The following TEX36 variants were observed in gnomAD, a reference collection of about 807,000 sequenced individuals.
TEX36 encodes the protein testis-expressed protein 36.
In TEX36, 12 loss-of-function variants were observed where a neutral mutation model predicts 13.6. The observed-to-expected ratio is 0.88, with a 90% confidence interval of 0.56 to 1.43. The LOEUF (loss-of-function observed/expected upper bound fraction) is 1.43, where lower values mean the gene tolerates loss of function less well. Ranked by LOEUF, TEX36 falls within the 40% of genes most tolerant of loss-of-function variation. The pLI is 0.00. For synonymous variants in TEX36, 93 were observed against 83.0 expected, an observed-to-expected ratio of 1.12 and a Z score of -0.65; for missense variants, 224 against 228.3, an observed-to-expected ratio of 0.98 and a Z score of 0.12.
chr10:125,612,697 C>A (rs1188870640), intron 3 of TEX36, among the ~76,000 whole-genome samples: 1 of 151,940 alleles, frequency 6.6e-6, no homozygotes, highest in Admixed American at 6.6e-5. Flanking sequence ...AGGCAAACAT[C>A]ATACCTAAAA....
chr10:125,674,579 G>T (rs540624701), intron 1 of TEX36, among the ~76,000 whole-genome samples: 9 of 152,258 alleles, frequency 5.9e-5, no homozygotes, highest in African/African-American at 2.2e-4. Context: ...CAATCTTTGA[G>T]GCTGCTGACC....
chr10:125,596,333 C>A (rs1315119790), intron 3 of TEX36, among the ~76,000 whole-genome samples: 1 of 151,460 alleles, frequency 6.6e-6, no homozygotes, highest in Non-Finnish European at 1.5e-5. Flanking sequence ...AGATGTAAGG[C>A]TAGAAATAGA....
At chr10:125,631,639 G>A (rs748946953) in intron 3 of TEX36, among the ~76,000 whole-genome samples, 1 of 152,194 alleles carries the variant, frequency 6.6e-6, no homozygotes, top group Non-Finnish European at 1.5e-5. Context: ...CCTGGGTCTT[G>A]AATGACAGGT....
chr10:125,618,763 A>T (rs566730344), downstream of TEX36, among the ~76,000 whole-genome samples: 43 of 152,078 alleles, frequency 2.8e-4, 2 homozygotes, highest in Middle Eastern at 3.4e-3. Context: ...ATGCAAGCCA[A>T]GGGATACTTA....
At chr10:125,655,280 A>T (rs192658740), downstream of TEX36, among the ~76,000 whole-genome samples, 1 of 152,256 alleles carries the variant, frequency 6.6e-6, no homozygotes, top group Non-Finnish European at 1.5e-5. Flanking sequence ...CCTCATCTCT[A>T]CTAAAAATAC....
In TEX36 at chr10:125,680,457, A is replaced by G. The variant is rs182573546; in HGVS notation, c.51+2482T>C. Among the ~76,000 whole-genome samples the G allele has an allele frequency of 9.5e-4, 145 of 152,284 alleles. 1 individual carries two copies. The highest frequency in any genetic ancestry group is 3.2e-3 in the African/African-American group (134 of 41,552). ...ATAAACCCTTCTGTTAGATATTGTA[A>G]CCGTGAAATACAGCTTTTTAACAAG... On this transcript the variant is annotated intron_variant, in intron 1 of 3. Transcript: ENST00000368821.
chr10:125,600,213 A>G (rs529501129), intron 3 of TEX36, among the ~76,000 whole-genome samples: 19 of 152,334 alleles, frequency 1.2e-4, no homozygotes, highest in Admixed American at 9.8e-4. Context: ...GAAAGTCTGC[A>G]TGAGAAAACT....
intron 1 of TEX36, among the ~76,000 whole-genome samples, chr10:125,662,415 C>A (rs1427640027): frequency 6.6e-6 from 1 of 152,044 alleles, no homozygotes; most frequent in Admixed American, 6.6e-5. Context: ...GCCCTAAGAC[C>A]ACGGGAAGGG....
chr10:125,630,410 G>T (rs1393388977), intron 3 of TEX36, among the ~76,000 whole-genome samples: 2 of 152,150 alleles, frequency 1.3e-5, no homozygotes, highest in Non-Finnish European at 2.9e-5. Flanking sequence ...TTCTCAGTGC[G>T]TGTGGGCTGT....
At chr10:125,586,999 G>A (rs1845961939) in intron 3 of TEX36, among the ~76,000 whole-genome samples, 1 of 152,096 alleles carries the variant, frequency 6.6e-6, no homozygotes, top group Non-Finnish European at 1.5e-5. Flanking sequence ...TTAAAAGTGT[G>A]TAGTGTCTCC....
chr10:125,578,249 C>T (rs1039732858), intron 3 of TEX36: 5 of 152,208 alleles, frequency 3.3e-5, no homozygotes, highest in Admixed American at 6.5e-5. Flanking sequence ...GCTGATAATA[C>T]GTGGATCCAA....
intron 3 of TEX36, among the ~76,000 whole-genome samples, chr10:125,636,248 C>T (rs1355488514): frequency 1.3e-5 from 2 of 149,110 alleles, no homozygotes; most frequent in African/African-American, 2.5e-5. Flanking sequence ...CTCTGTCGCC[C>T]AGGCTGGAAT....
Position 125,666,294 on chromosome 10 carries a change from G to A in TEX36, c.52-4317C>T, listed in dbSNP as rs185457092. Among the ~76,000 whole-genome samples the A allele has an allele frequency of 1.2e-3, 188 of 152,256 alleles. 1 individual carries two copies. The highest frequency in any genetic ancestry group is 4.2e-3 in the African/African-American group (175 of 41,546). ...TTGTTTCAGTTCTTGGAGCAAAGGCGTTCAACTTTACTCCATTCAGTATGA... is the reference window on the plus strand; with the variant it reads ...TTGTTTCAGTTCTTGGAGCAAAGGCATTCAACTTTACTCCATTCAGTATGA... On this transcript the variant is annotated intron_variant, in intron 1 of 3. Transcript: ENST00000368821.
At chr10:125,582,004 T>C (rs930425468) in intron 3 of TEX36, among the ~76,000 whole-genome samples, 2 of 152,172 alleles carry the variant, frequency 1.3e-5, no homozygotes, top group African/African-American at 2.4e-5. Context: ...TGACGCATGG[T>C]CTTAGGGGGT....
chr10:125,669,222 C>T lies in TEX36; in HGVS notation c.52-7245G>A, dbSNP rs894046006. Among the ~76,000 whole-genome samples, 4 of 152,088 alleles carry T rather than the reference C, an allele frequency of 2.6e-5. No homozygotes were observed. The East Asian group carries it at 5.8e-4, about 22-fold the overall frequency. ...AGGAGAATTGCTTGAACCCAGGAGG[C>T]GGAGGTTGCAGTGAGCAGAGATCGC... On this transcript the variant is annotated intron_variant, in intron 1 of 3. Coordinates refer to ENST00000368821, the MANE Select transcript of TEX36 (RefSeq NM_001128202.3).
At chr10:125,577,998 A>G (rs1194696254) in intron 3 of TEX36, among the ~76,000 whole-genome samples, 2 of 152,264 alleles carry the variant, frequency 1.3e-5, no homozygotes, top group Admixed American at 6.5e-5. Flanking sequence ...TGAAATGGCT[A>G]TATTTATCAG....
At position 125,615,732 on chromosome 10, in the gene TEX36, G is replaced by T. The variant is rs1409337112; in HGVS notation, c.265-38858C>A. ...GCATCAATGTTCATCAAGGATATTG[G>T]TCTAAAATTCTCTTTTTTGGTTGTG... On this transcript the variant is annotated intron_variant, in intron 3 of 3. Coordinates refer to the TEX36 transcript ENST00000532135. Among the ~76,000 whole-genome samples, 6 of 151,712 alleles carry T rather than the reference G, an allele frequency of 4.0e-5. 1 individual carries two copies. In the South Asian group the frequency reaches 1.3e-3, roughly 32 times the overall value.
At chr10:125,589,737 T>C (rs767999387) in intron 3 of TEX36, among the ~76,000 whole-genome samples, 63 of 152,364 alleles carry the variant, frequency 4.1e-4, no homozygotes, top group Non-Finnish European at 2.1e-4. Flanking sequence ...CTATTGTATT[T>C]AGGATTTCTG....
intron 3 of TEX36, among the ~76,000 whole-genome samples, chr10:125,649,218 T>G (rs1243609725): frequency 4.6e-5 from 7 of 151,984 alleles, no homozygotes; most frequent in Non-Finnish European, 5.9e-5. Flanking sequence ...TTCACCAAAG[T>G]TGAAATGAAG....
Sources: allele counts gnomAD v4.1 joint callset (sites outside exome capture counted in the v4.1 genomes callset), GRCh38; gene constraint gnomAD v4.1.1; transcripts MANE v1.5; gene names NCBI Gene and HGNC (gene_info 2026-07-23, HGNC 2026-07-21).